The following SKAP1 variants were observed in gnomAD, a reference collection of about 807,000 sequenced individuals.
The protein encoded by SKAP1 is src kinase associated phosphoprotein 1, also known as src kinase-associated phosphoprotein 1.
In SKAP1, 44 loss-of-function variants were observed where a neutral mutation model predicts 58.5. The ratio of observed to expected loss-of-function variants is 0.75; its 90% CI spans 0.59 to 0.97. SKAP1 has a LOEUF of 0.97. Among genes scored for constraint, SKAP1 ranks in the 50% least tolerant of loss-of-function variants. SKAP1 has a pLI of 0.00. For missense variants in SKAP1, 390 were observed against 435.2 expected (o/e 0.90, Z 0.92); for synonymous variants, 127 against 149.7 (o/e 0.85, Z 1.11).
chr17:48,154,153 T>C (rs208007), intron 11 of SKAP1, among the ~76,000 whole-genome samples: 24,758 of 152,194 alleles, frequency 0.16, 2,077 homozygotes, highest in Non-Finnish European at 0.18. Context: ...CCCATTATAA[T>C]TGACATAGTG....
chr17:48,184,797 C>T lies in SKAP1; in HGVS notation c.493G>A (p.Ala165Thr). 1 of 1,613,894 alleles carries T rather than the reference C, an allele frequency of 6.2e-7. No individual in the cohort carries two copies. Among genetic ancestry groups the T allele is most frequent in the South Asian group, 1.1e-5 (1 of 91,062 alleles). Reference sequence around the variant, plus strand: ...TTGGAATCTCTTCGCAGGTGGGGGGCCATCCGTACACCGTAGCCCTTAATG... The same window carrying T: ...TTGGAATCTCTTCGCAGGTGGGGGGTCATCCGTACACCGTAGCCCTTAATG... ...FLIKGYGVRM[A>T]PHLRRDSKKE... Residue 165 changes from alanine to threonine, a missense_variant, in exon 7 of 13, where the codon GCC (alanine) becomes ACC (threonine). By Grantham distance (58) the Ala-to-Thr change is moderately conservative. Transcript: ENST00000336915.
intron 11 of SKAP1, among the ~76,000 whole-genome samples, chr17:48,140,895 T>C (rs541110177): frequency 6.6e-6 from 1 of 151,894 alleles, no homozygotes; most frequent in African/African-American, 2.4e-5. Flanking sequence ...CAAGCAATTC[T>C]CCTGCCTCAG....
chr17:48,153,741 C>T (rs977362981), intron 11 of SKAP1, among the ~76,000 whole-genome samples: 1 of 151,684 alleles, frequency 6.6e-6, no homozygotes, highest in Non-Finnish European at 1.5e-5. Context: ...GTGCCCCAGG[C>T]CTATATTCTC....
chr17:48,396,609 G>A (rs1282180209), intron 2 of SKAP1, 71 bp downstream of exon 2: 3 of 987,624 alleles, frequency 3.0e-6, no homozygotes, highest in East Asian at 4.9e-5. Context: ...CTTACCTTGT[G>A]ACTTTATTTT....
intron 4 of SKAP1, among the ~76,000 whole-genome samples, chr17:48,253,809 T>C (rs1238314994): frequency 2.0e-5 from 3 of 152,014 alleles, no homozygotes; most frequent in Non-Finnish European, 4.4e-5. Flanking sequence ...TTTGATAAAG[T>C]GCCATAGCAA....
Position 48,168,036 on chromosome 17 carries a change from G to C in SKAP1, c.877+2573C>G, listed in dbSNP as rs1213930447. Among the ~76,000 whole-genome samples, 4 of 152,132 alleles carry C rather than the reference G, an allele frequency of 2.6e-5. No individual in the cohort carries two copies. In the East Asian group the frequency reaches 7.7e-4, roughly 29 times the overall value. ...CTGTAAACTGAGCTCTTTATAGATT[G>C]AGCAATCAATACTACAAGGCTGTGA... On this transcript the variant is annotated intron_variant, in intron 10 of 12. Coordinates refer to ENST00000336915, the MANE Select transcript of SKAP1 (RefSeq NM_003726.4).
intron 4 of SKAP1, among the ~76,000 whole-genome samples, chr17:48,263,616 T>C (rs763774485): frequency 3.3e-5 from 5 of 152,144 alleles, no homozygotes; most frequent in Non-Finnish European, 7.3e-5. Flanking sequence ...CAAGCTAACC[T>C]GAGCAAATGC....
intron 4 of SKAP1, among the ~76,000 whole-genome samples, chr17:48,254,928 T>C (rs989841406): frequency 1.3e-5 from 2 of 152,054 alleles, no homozygotes; most frequent in Non-Finnish European, 2.9e-5. Flanking sequence ...TCTTATAGCT[T>C]GGGCTTTTGT....
intron 4 of SKAP1, among the ~76,000 whole-genome samples, chr17:48,198,678 T>A (rs1237488648): frequency 6.6e-6 from 1 of 152,112 alleles, no homozygotes; most frequent in African/African-American, 2.4e-5. Flanking sequence ...AAAAAAAAAT[T>A]GTGTTCCTTC....
intron 9 of SKAP1, among the ~76,000 whole-genome samples, chr17:48,170,971 T>C (rs1476096576): frequency 1.3e-5 from 2 of 152,050 alleles, no homozygotes; most frequent in Non-Finnish European, 2.9e-5. Flanking sequence ...CCTCCCAAGG[T>C]ATTGGGATTA....
intron 4 of SKAP1, among the ~76,000 whole-genome samples, chr17:48,340,094 C>T (rs977536380): frequency 1.3e-5 from 2 of 152,102 alleles, no homozygotes; most frequent in South Asian, 2.1e-4. Flanking sequence ...GCAAGAGAAT[C>T]GCTTGAACCC....
intron 4 of SKAP1, among the ~76,000 whole-genome samples, chr17:48,222,018 AATT>A (rs1011505734): frequency 3.3e-5 from 5 of 152,174 alleles, no homozygotes; most frequent in Non-Finnish European, 7.3e-5. Context: ...AAATGTAAAG[AATT>A]ATTATTATAA....
At chr17:48,332,769 A>T (rs1281657627) in intron 4 of SKAP1, among the ~76,000 whole-genome samples, 2 of 152,200 alleles carry the variant, frequency 1.3e-5, no homozygotes, top group African/African-American at 2.4e-5. Flanking sequence ...TTAGGGTTTT[A>T]AAAAAATTCT....
At chr17:48,277,774 A>T (rs2144019377) in intron 4 of SKAP1, among the ~76,000 whole-genome samples, 1 of 152,072 alleles carries the variant, frequency 6.6e-6, no homozygotes, top group East Asian at 1.9e-4. Flanking sequence ...CCAATTTTTT[A>T]TTTTTATTTT....
the SKAP1 span, among the ~76,000 whole-genome samples, chr17:48,436,473 A>C: frequency 6.6e-6 from 1 of 152,128 alleles, no homozygotes; most frequent in Non-Finnish European, 1.5e-5. Context: ...ACAAAATGGC[A>C]CTGTCAGTTC....
chr17:48,171,206 A>G (rs570923492), intron 9 of SKAP1, among the ~76,000 whole-genome samples: 1 of 138,384 alleles, frequency 7.2e-6, no homozygotes, highest in East Asian at 2.1e-4. Context: ...GGTTCAAGCT[A>G]TTCTTCCCGA....
intron 9 of SKAP1, 149 bp from the exon 10 acceptor site, chr17:48,170,808 T>C (rs1801786170): frequency 1.5e-6 from 1 of 684,620 alleles, no homozygotes; most frequent in Non-Finnish European, 2.5e-6. Flanking sequence ...CGTCTGGGGT[T>C]CAAGGGATTC....
At chr17:48,360,028 C>G (rs2066916701) in intron 3 of SKAP1, among the ~76,000 whole-genome samples, 1 of 152,116 alleles carries the variant, frequency 6.6e-6, no homozygotes, top group Admixed American at 6.6e-5. Context: ...GAATAATTTT[C>G]TCAGAAACCT....
chr17:48,294,570 T>C (rs1289181029), intron 4 of SKAP1: 1 of 152,002 alleles, frequency 6.6e-6, no homozygotes, highest in East Asian at 1.9e-4. Flanking sequence ...CAATTCAGGG[T>C]TTTCGCAGAA....
Sources: gnomAD v4.1 joint callset for allele counts (sites outside exome capture counted in the v4.1 genomes callset) on GRCh38, gnomAD v4.1.1 for gene constraint, MANE v1.5 for transcripts, NCBI Gene and HGNC (gene_info 2026-07-23, HGNC 2026-07-21) for gene names.